The following PSPC1 variants were observed in gnomAD, a reference collection of about 807,000 sequenced individuals.
PSPC1 encodes paraspeckle component 1.
PSPC1 carries 14 observed loss-of-function variants against 51.6 expected under a neutral mutation model. The ratio of observed to expected loss-of-function variants is 0.27; its 90% CI spans 0.18 to 0.42. The LOEUF (loss-of-function observed/expected upper bound fraction) is 0.42, where lower values mean the gene tolerates loss of function less well. PSPC1 is among the 10% of genes least tolerant of loss of function. The probability of loss-of-function intolerance (pLI) is 1.00; values close to 1 mark genes in which losing one functional copy is unlikely to be tolerated. For synonymous variants in PSPC1, 193 were observed against 231.9 expected (o/e 0.83, Z 1.53); for missense variants, 406 against 701.1 (o/e 0.58, Z 4.75).
intron 4 of PSPC1, among the ~76,000 whole-genome samples, chr13:19,742,257 TCTCAAAAAAAAAAAAAAAACAAAC>T (rs1040768430): frequency 1.3e-5 from 1 of 76,026 alleles, no homozygotes; most frequent in African/African-American, 3.4e-5. Flanking sequence ...GATGACTCAA[TCTCAAAAAAAAAAAAAAAACAAAC>T]AAATAAATAA....
intron 6 of PSPC1, among the ~76,000 whole-genome samples, chr13:19,712,942 A>C (rs1881617967): frequency 6.6e-6 from 1 of 152,266 alleles, no homozygotes; most frequent in African/African-American, 2.4e-5. Context: ...CTAGAAAACC[A>C]CCGCTACAAA....
chr13:19,734,104 G>A (rs1220272409), intron 5 of PSPC1, among the ~76,000 whole-genome samples: 1 of 152,104 alleles, frequency 6.6e-6, no homozygotes, highest in Admixed American at 6.6e-5. Context: ...ACAGCATACA[G>A]AAACATTCCT....
downstream of PSPC1, chr13:19,671,276 C>T (rs928465585): frequency 1.2e-6 from 2 of 1,612,660 alleles, no homozygotes; most frequent in Non-Finnish European, 1.7e-6. Flanking sequence ...TTGACAGAAG[C>T]ACCCTCTGCC....
chr13:19,769,012 T>C (rs1156735855), intron 2 of PSPC1, among the ~76,000 whole-genome samples: 4 of 148,646 alleles, frequency 2.7e-5, no homozygotes, highest in Non-Finnish European at 4.5e-5. Flanking sequence ...TAGTGGTGCA[T>C]GCCTGTAGTC....
intron 7 of PSPC1, among the ~76,000 whole-genome samples, chr13:19,708,865 T>C (rs1881036884): frequency 6.6e-6 from 1 of 152,158 alleles, no homozygotes; most frequent in Non-Finnish European, 1.5e-5. Context: ...AACTATCAAT[T>C]TCCAGTGTTC....
intron 6 of PSPC1, among the ~76,000 whole-genome samples, chr13:19,725,821 G>C (rs1054971310): frequency 1.3e-5 from 2 of 152,164 alleles, no homozygotes; most frequent in Non-Finnish European, 2.9e-5. Flanking sequence ...AAATTCTGCA[G>C]GGTACTATTC....
chr13:19,673,100 T>A (rs201461884), downstream of PSPC1: 1 of 26,750 alleles, frequency 3.7e-5, no homozygotes, highest in Non-Finnish European at 9.7e-5. Flanking sequence ...TTTTTTTTGT[T>A]TTTTTTTTTT....
At chr13:19,776,273 C>A (rs559990794) in intron 1 of PSPC1, among the ~76,000 whole-genome samples, 11 of 152,028 alleles carry the variant, frequency 7.2e-5, no homozygotes, top group Middle Eastern at 3.4e-3. Flanking sequence ...CCTGCCTGGG[C>A]AACATAATGA....
chr13:19,713,636 T>C (rs1483153509), intron 6 of PSPC1, among the ~76,000 whole-genome samples: 1 of 151,892 alleles, frequency 6.6e-6, no homozygotes, highest in Non-Finnish European at 1.5e-5. Flanking sequence ...TAAGATTGTA[T>C]GCCTTTCCAT....
chr13:19,742,915 T>C (rs1885580135), intron 4 of PSPC1, among the ~76,000 whole-genome samples: 1 of 17,696 alleles, frequency 5.7e-5, no homozygotes, highest in African/African-American at 2.3e-4. Context: ...ACTAAGCCAA[T>C]GTCTTACGAA....
At chr13:19,739,320 ATT>A (rs778816892) in intron 5 of PSPC1, among the ~76,000 whole-genome samples, 27 of 151,930 alleles carry the variant, frequency 1.8e-4, no homozygotes, top group Non-Finnish European at 2.9e-4. Flanking sequence ...TTAATGATTT[ATT>A]TTTTGCTTAC....
chr13:19,771,554 G>A (rs1888630225), intron 2 of PSPC1, among the ~76,000 whole-genome samples: 1 of 152,104 alleles, frequency 6.6e-6, no homozygotes, highest in Non-Finnish European at 1.5e-5. Context: ...TCATGCCTCA[G>A]CCTCCTGAGT....
chr13:19,682,892 T>G (rs1479068014), intron 6 of PSPC1, among the ~76,000 whole-genome samples: 2 of 151,482 alleles, frequency 1.3e-5, no homozygotes, highest in Admixed American at 6.6e-5. Context: ...TGAGAGACCC[T>G]GTCTCTCACT....
At chr13:19,773,885 T>C (rs986603753) in intron 1 of PSPC1, among the ~76,000 whole-genome samples, 2 of 152,144 alleles carry the variant, frequency 1.3e-5, no homozygotes, top group African/African-American at 4.8e-5. Flanking sequence ...CTCGAACTCC[T>C]GGCCTCAAAC....
intron 6 of PSPC1, among the ~76,000 whole-genome samples, chr13:19,727,837 G>T (rs748219432): frequency 6.6e-6 from 1 of 152,196 alleles, no homozygotes; most frequent in East Asian, 1.9e-4. Context: ...AGTAAATACT[G>T]CCTGGAAAAA....
intron 3 of PSPC1, among the ~76,000 whole-genome samples, chr13:19,757,277 C>A (rs932132168): frequency 6.6e-6 from 1 of 152,172 alleles, no homozygotes; most frequent in African/African-American, 2.4e-5. Context: ...GAACCCTTGA[C>A]AGACCATCAA....
At chr13:19,765,634 ATTTT>A (rs1248707889) in intron 2 of PSPC1, among the ~76,000 whole-genome samples, 1 of 151,534 alleles carries the variant, frequency 6.6e-6, no homozygotes, top group East Asian at 1.9e-4. Context: ...GCTTGTTTTA[ATTTT>A]TTTAATTTTT....
intron 3 of PSPC1, among the ~76,000 whole-genome samples, chr13:19,759,003 AG>A (rs1053989467): frequency 1.8e-3 from 281 of 152,244 alleles, no homozygotes; most frequent in African/African-American, 6.2e-3. Flanking sequence ...GAAAACTATT[AG>A]CTGGGCATGG....
At chr13:19,698,074 A>G (rs1368784663), downstream of PSPC1, among the ~76,000 whole-genome samples, 1 of 152,126 alleles carries the variant, frequency 6.6e-6, no homozygotes, top group African/African-American at 2.4e-5. Flanking sequence ...CAAACATATA[A>G]TGCCCTTTTG....
Sources: gnomAD v4.1 joint callset for allele counts (sites outside exome capture counted in the v4.1 genomes callset) on GRCh38, gnomAD v4.1.1 for gene constraint, MANE v1.5 for transcripts, NCBI Gene and HGNC (gene_info 2026-07-23, HGNC 2026-07-21) for gene names.